MYT1L: variants seen among roughly 807,000 people sequenced by gnomAD.
MYT1L encodes the protein myelin transcription factor 1 like.
A neutral mutation model predicts 126.7 loss-of-function variants in MYT1L; 12 were observed. The ratio of observed to expected loss-of-function variants is 0.09; its 90% CI spans 0.06 to 0.15. The LOEUF is 0.15. Ranked by LOEUF, MYT1L falls within the 10% of genes least tolerant of loss-of-function variation. The pLI is 1.00. For missense variants in MYT1L, 979 were observed against 1,585.2 expected (o/e 0.62, Z 6.49); for synonymous variants, 541 against 604.2 (o/e 0.90, Z 1.53).
At chr2:2,068,402 G>A (rs1436781749) in intron 3 of MYT1L, among the ~76,000 whole-genome samples, 2 of 152,096 alleles carry the variant, frequency 1.3e-5, no homozygotes, top group South Asian at 2.1e-4. Context: ...GATGAGACCC[G>A]GACCCTCCCT....
rs569272263 is a variant in MYT1L at position 2,011,617 on chromosome 2, T to G, written c.-157-14270A>C. 4.6e-5 allele frequency among the ~76,000 whole-genome samples: 7 copies of G among 152,084 alleles called. No homozygotes were observed. In the South Asian group the frequency reaches 1.5e-3, roughly 32 times the overall value. ...CAATCTACAGAAGGGGAGAAGGTATTTAAAAATCATATATTGATAAGGGAT... is the reference window on the plus strand; with the variant it reads ...CAATCTACAGAAGGGGAGAAGGTATGTAAAAATCATATATTGATAAGGGAT... On this transcript the variant is annotated intron_variant, in intron 4 of 24. Coordinates refer to ENST00000647738, the MANE Select transcript of MYT1L (RefSeq NM_001303052.2).
intron 1 of MYT1L, chr2:2,327,114 A>C (rs2096253250): frequency 6.6e-6 from 1 of 152,214 alleles, no homozygotes; most frequent in Admixed American, 6.5e-5. Context: ...AAAGTAGAAT[A>C]TTTGTATTAT....
chr2:2,209,480 G>A (rs59791986), intron 2 of MYT1L, among the ~76,000 whole-genome samples: 24,434 of 151,932 alleles, frequency 0.16, 2,112 homozygotes, highest in African/African-American at 0.22. Flanking sequence ...GTTTCCACAA[G>A]TATGTGAGAA....
At chr2:1,985,854 C>T (rs757015616) in intron 5 of MYT1L, among the ~76,000 whole-genome samples, 43 of 152,304 alleles carry the variant, frequency 2.8e-4, no homozygotes, top group African/African-American at 9.6e-4. Flanking sequence ...AGCACTAATT[C>T]GAGCACGGCA....
At chr2:2,066,750 AG>A (rs2073931459) in intron 3 of MYT1L, among the ~76,000 whole-genome samples, 1 of 152,206 alleles carries the variant, frequency 6.6e-6, no homozygotes, top group South Asian at 2.1e-4. Flanking sequence ...TCCTGTCCTC[AG>A]AAGAACTGAC....
chr2:1,944,660 A>G (rs1467710661), intron 8 of MYT1L, among the ~76,000 whole-genome samples: 1 of 152,122 alleles, frequency 6.6e-6, no homozygotes, highest in African/African-American at 2.4e-5. Flanking sequence ...CAACTCCTCT[A>G]TTTTGGGTCA....
Position 2,202,158 on chromosome 2 carries a change from A to G in MYT1L, c.-420-29170T>C, listed in dbSNP as rs552859466. Among the ~76,000 whole-genome samples the G allele has an allele frequency of 4.8e-4, 73 of 152,230 alleles. 1 individual carries two copies. Among genetic ancestry groups the G allele is most frequent in the African/African-American group, 1.6e-3 (68 of 41,554 alleles). ...GAAATTTATAGCACTAAATGCCCAC[A>G]AGAGAAAGCAGGAAAGATCTAAAAT... On this transcript the variant is annotated intron_variant, in intron 2 of 24. Coordinates refer to ENST00000647738, the MANE Select transcript of MYT1L (RefSeq NM_001303052.2).
At chr2:1,993,012 C>T (rs986467435) in intron 5 of MYT1L, among the ~76,000 whole-genome samples, 1 of 152,178 alleles carries the variant, frequency 6.6e-6, no homozygotes, top group Admixed American at 6.5e-5. Context: ...ACAGCTCCAC[C>T]TCCCTATGAT....
intron 2 of MYT1L, among the ~76,000 whole-genome samples, chr2:2,233,337 G>A (rs1017210023): frequency 5.3e-5 from 8 of 152,168 alleles, no homozygotes; most frequent in African/African-American, 1.4e-4. Flanking sequence ...GCTGAGATGC[G>A]GGGGTGTGGC....
intron 1 of MYT1L, among the ~76,000 whole-genome samples, chr2:2,297,173 AC>A (rs1256109689): frequency 6.6e-6 from 1 of 152,018 alleles, no homozygotes; most frequent in African/African-American, 2.4e-5. Context: ...AATGCACACA[AC>A]CCTCACCCGT....
At chr2:2,128,844 C>A (rs2082024437) in intron 3 of MYT1L, among the ~76,000 whole-genome samples, 1 of 152,098 alleles carries the variant, frequency 6.6e-6, no homozygotes, top group Admixed American at 6.5e-5. Context: ...CCCTTCTAGC[C>A]AACATTATTT....
At chr2:1,965,705 C>T (rs1457856550) in intron 8 of MYT1L, among the ~76,000 whole-genome samples, 1 of 152,246 alleles carries the variant, frequency 6.6e-6, no homozygotes, top group East Asian at 1.9e-4. Flanking sequence ...GCCCCGCCAT[C>T]ATCCTGACCT....
At chr2:1,896,385 G>C (rs185739406) in intron 14 of MYT1L, among the ~76,000 whole-genome samples, 3 of 152,174 alleles carry the variant, frequency 2.0e-5, no homozygotes, top group African/African-American at 7.2e-5. Flanking sequence ...ACATGCACTC[G>C]TATGCTCATC....
chr2:2,012,905 G>A (rs565256181), intron 4 of MYT1L, among the ~76,000 whole-genome samples: 50 of 152,220 alleles, frequency 3.3e-4, no homozygotes, highest in Non-Finnish European at 5.3e-4. Context: ...GTTTATCATC[G>A]CTCCATGTCA....
intron 4 of MYT1L, among the ~76,000 whole-genome samples, chr2:2,017,530 G>A (rs1438403531): frequency 2.0e-5 from 3 of 152,090 alleles, no homozygotes; most frequent in African/African-American, 7.2e-5. Flanking sequence ...GTGGTGTCTG[G>A]GTGAATTACA....
chr2:2,142,564 T>A (rs1233639729), intron 3 of MYT1L, among the ~76,000 whole-genome samples: 1 of 152,118 alleles, frequency 6.6e-6, no homozygotes, highest in Non-Finnish European at 1.5e-5. Flanking sequence ...GAGCTCCACA[T>A]CCATGCACAG....
intron 3 of MYT1L, among the ~76,000 whole-genome samples, chr2:2,078,893 T>C (rs2075512293): frequency 6.6e-6 from 1 of 152,224 alleles, no homozygotes; most frequent in Non-Finnish European, 1.5e-5. Context: ...ATTCATATGT[T>C]GAAATTCTAA....
At position 2,228,550 on chromosome 2, in the gene MYT1L, T is replaced by G. The variant is rs570647506; in HGVS notation, c.-420-55562A>C. Reference sequence around the variant, plus strand: ...AATTTTTTTGCCAATCTTTTTGATTTTATAGAAAAAGTATTTATATAAATT... The same window carrying G: ...AATTTTTTTGCCAATCTTTTTGATTGTATAGAAAAAGTATTTATATAAATT... On this transcript the variant is annotated intron_variant, in intron 2 of 24. Transcript: ENST00000647738. The surrounding 1 kb of genome is among the most constrained non-coding windows in gnomAD (Gnocchi z 5.9). Among the ~76,000 whole-genome samples, 82 of 152,322 alleles carry G rather than the reference T, an allele frequency of 5.4e-4. 1 individual carries two copies. The highest frequency in any genetic ancestry group is 9.7e-4 in the Non-Finnish European group (66 of 68,024).
chr2:2,141,361 G>A lies in MYT1L; in HGVS notation c.-304+31511C>T, dbSNP rs184353791. On this transcript the variant is annotated intron_variant, in intron 3 of 24. Transcript: ENST00000647738. Reference sequence around the variant, plus strand: ...ATTTCAAGGCTGCTTAGGAGTTCCCGTGGCTGTAACACATTTCATAAGACT... The same window carrying A: ...ATTTCAAGGCTGCTTAGGAGTTCCCATGGCTGTAACACATTTCATAAGACT... Among the ~76,000 whole-genome samples, 12 of 152,178 alleles carry A rather than the reference G, an allele frequency of 7.9e-5. 1 individual carries two copies. In the East Asian group the frequency reaches 1.5e-3, roughly 20 times the overall value.
Sources: gnomAD v4.1 joint callset for allele counts (sites outside exome capture counted in the v4.1 genomes callset) on GRCh38, gnomAD v4.1.1 for gene constraint, Gnocchi (gnomAD v3.1) non-coding constraint, MANE v1.5 for transcripts, NCBI Gene and HGNC (gene_info 2026-07-23, HGNC 2026-07-21) for gene names.